The following ADCY2 variants were observed in gnomAD, a reference collection of about 807,000 sequenced individuals.
ADCY2 encodes adenylate cyclase type 2.
A neutral mutation model predicts 125.2 loss-of-function variants in ADCY2; 31 were observed. The ratio of observed to expected loss-of-function variants is 0.25; its 90% CI spans 0.19 to 0.33. The LOEUF (loss-of-function observed/expected upper bound fraction) is 0.33, where lower values mean the gene tolerates loss of function less well. Among genes scored for constraint, ADCY2 ranks in the 10% least tolerant of loss-of-function variants. The probability of loss-of-function intolerance (pLI) is 1.00; values close to 1 mark genes in which losing one functional copy is unlikely to be tolerated. For missense variants in ADCY2, 904 were observed against 1,418.2 expected, an observed-to-expected ratio of 0.64 and a Z score of 5.82; for synonymous variants, 512 against 548.4, an observed-to-expected ratio of 0.93 and a Z score of 0.93.
At chr5:7,560,429 A>G (rs1047461477) in intron 3 of ADCY2, among the ~76,000 whole-genome samples, 1 of 152,184 alleles carries the variant, frequency 6.6e-6, no homozygotes, top group Non-Finnish European at 1.5e-5. Flanking sequence ...AAAGCAATTA[A>G]AAAATAGTAA....
intron 3 of ADCY2, among the ~76,000 whole-genome samples, chr5:7,532,132 C>G (rs1168033128): frequency 6.6e-6 from 1 of 152,202 alleles, no homozygotes; most frequent in Non-Finnish European, 1.5e-5. Context: ...GGGAATTTCA[C>G]CCTTGTTGAA....
At chr5:7,693,709 C>T (rs1252808749) in intron 5 of ADCY2, among the ~76,000 whole-genome samples, 1 of 152,186 alleles carries the variant, frequency 6.6e-6, no homozygotes, top group Non-Finnish European at 1.5e-5. Context: ...AGGCGTGAGC[C>T]ACCACGCCCG....
chr5:7,781,023 C>T (rs1177685096), intron 18 of ADCY2, among the ~76,000 whole-genome samples: 1 of 152,170 alleles, frequency 6.6e-6, no homozygotes, highest in African/African-American at 2.4e-5. Flanking sequence ...GAAGTGTGTT[C>T]CATCACATTT....
At chr5:7,411,492 G>C (rs958343986) in intron 1 of ADCY2, among the ~76,000 whole-genome samples, 5 of 152,258 alleles carry the variant, frequency 3.3e-5, no homozygotes, top group African/African-American at 1.2e-4. Context: ...TGTAATCTTT[G>C]ACCCTAAGAG....
intron 20 of ADCY2, chr5:7,795,833 ATGTTT>A (rs1744402287): frequency 6.6e-6 from 1 of 152,048 alleles, no homozygotes; most frequent in African/African-American, 2.4e-5. Context: ...ACTATACTGT[ATGTTT>A]TAAGTATTCA....
intron 3 of ADCY2, among the ~76,000 whole-genome samples, chr5:7,608,854 G>A (rs979080183): frequency 6.6e-6 from 1 of 152,172 alleles, no homozygotes; most frequent in African/African-American, 2.4e-5. Flanking sequence ...TTCTGCTAGA[G>A]GGGTGAGCCA....
At chr5:7,687,602 T>C (rs890634628) in intron 4 of ADCY2, among the ~76,000 whole-genome samples, 2 of 152,172 alleles carry the variant, frequency 1.3e-5, no homozygotes, top group African/African-American at 4.8e-5. Context: ...CTCTGAGCAA[T>C]GTGCCGACCG....
chr5:7,649,840 C>G (rs1341136065), intron 4 of ADCY2, among the ~76,000 whole-genome samples: 15 of 152,138 alleles, frequency 9.9e-5, no homozygotes, highest in Admixed American at 9.8e-4. Flanking sequence ...CTTTCCCCCT[C>G]TTTACCCCTC....
chr5:7,476,252 C>T (rs1465407992), intron 2 of ADCY2, among the ~76,000 whole-genome samples: 1 of 151,824 alleles, frequency 6.6e-6, no homozygotes. Flanking sequence ...AATGTTGGAG[C>T]TTGGGGCTGG....
At chr5:7,796,283 T>G (rs1213810211) in intron 20 of ADCY2, 1 of 152,162 alleles carries the variant, frequency 6.6e-6, no homozygotes, top group African/African-American at 2.4e-5. Context: ...GTTCCATTCC[T>G]CTCTGTGGCA....
Position 7,707,755 on chromosome 5 carries a change from A to G in ADCY2, c.1318A>G (p.Lys440Glu). 1.9e-6 allele frequency: 3 copies of G among 1,614,134 alleles called. No homozygotes were observed. The highest frequency in any genetic ancestry group is 2.5e-6 in the Non-Finnish European group (3 of 1,180,008). The change falls in exon 9 of 25, where the codon AAA becomes GAA. Residue 440 changes from lysine to glutamate, a missense_variant. Physicochemically the swap from Lys to Glu is moderately conservative, Grantham distance 56. Coordinates refer to ENST00000338316, the MANE Select transcript of ADCY2 (RefSeq NM_020546.3). ...VTLEHLNGAY[K>E]VEEGDGDIRD... The stretch of plus-strand genomic sequence containing the variant: ...CCTGGAGCACTTGAATGGCGCTTAT[A>G]AAGTGGAGGAGGGAGATGGTGACAT...
chr5:7,474,385 G>T (rs932306346), intron 2 of ADCY2, among the ~76,000 whole-genome samples: 1 of 152,186 alleles, frequency 6.6e-6, no homozygotes, highest in Non-Finnish European at 1.5e-5. Flanking sequence ...AAATGGGAGT[G>T]CTCTGAAGGA....
chr5:7,564,198 T>C (rs928891480), intron 3 of ADCY2, among the ~76,000 whole-genome samples: 1 of 152,218 alleles, frequency 6.6e-6, no homozygotes, highest in African/African-American at 2.4e-5. Context: ...CTAGGGTTGG[T>C]TATCTGTTGG....
chr5:7,718,298 G>C lies in ADCY2; in HGVS notation c.1703+1061G>C, dbSNP rs552972985. Among the ~76,000 whole-genome samples the C allele has an allele frequency of 5.3e-5, 8 of 151,958 alleles. No homozygotes were observed. The East Asian group carries it at 1.6e-3, about 30-fold the overall frequency. On this transcript the variant is annotated intron_variant, in intron 12 of 24. Transcript: ENST00000338316. ...CAAGTAGCTGGGATTACAGGCGATCGCCACCACACCTAGCTAATTTTTTGT... is the reference window on the plus strand; with the variant it reads ...CAAGTAGCTGGGATTACAGGCGATCCCCACCACACCTAGCTAATTTTTTGT...
intron 1 of ADCY2, among the ~76,000 whole-genome samples, chr5:7,412,586 A>T (rs1435797633): frequency 1.3e-5 from 2 of 152,250 alleles, no homozygotes; most frequent in Admixed American, 1.3e-4. Flanking sequence ...AAGAGTAATA[A>T]CTTAGGCACT....
chr5:7,583,331 TA>T (rs968385935), intron 3 of ADCY2, among the ~76,000 whole-genome samples: 7 of 152,118 alleles, frequency 4.6e-5, no homozygotes, highest in Non-Finnish European at 8.8e-5. Flanking sequence ...TGGAAATTTA[TA>T]AACTGATTAT....
At chr5:7,441,652 G>A (rs985742964) in intron 2 of ADCY2, among the ~76,000 whole-genome samples, 1 of 152,160 alleles carries the variant, frequency 6.6e-6, no homozygotes, top group Non-Finnish European at 1.5e-5. Flanking sequence ...CATGATATTT[G>A]TGATGGTTAG....
intron 2 of ADCY2, among the ~76,000 whole-genome samples, chr5:7,445,526 G>A (rs920080325): frequency 6.6e-6 from 1 of 152,128 alleles, no homozygotes; most frequent in Non-Finnish European, 1.5e-5. Flanking sequence ...ATTAAAACAT[G>A]TAGATGTTTT....
chr5:7,807,737 C>T (rs1251456531), intron 22 of ADCY2, among the ~76,000 whole-genome samples: 1 of 152,180 alleles, frequency 6.6e-6, no homozygotes, highest in Non-Finnish European at 1.5e-5. Context: ...TCTAACACTA[C>T]TGCCATTTTC....
Sources: gnomAD v4.1 joint callset for allele counts (sites outside exome capture counted in the v4.1 genomes callset) on GRCh38, gnomAD v4.1.1 for gene constraint, MANE v1.5 for transcripts, NCBI Gene and HGNC (gene_info 2026-07-23, HGNC 2026-07-21) for gene names.